The following KATNIP variants were observed in gnomAD, a reference collection of about 807,000 sequenced individuals.
KATNIP encodes the protein katanin-interacting protein.
Under a neutral mutation model 174.0 loss-of-function variants are expected in KATNIP, and 126 were observed. That is an observed-to-expected ratio of 0.72 (90% CI 0.63 to 0.84). The LOEUF is 0.84. KATNIP is among the 40% of genes least tolerant of loss of function. The pLI is 0.00. For synonymous variants in KATNIP, 810 were observed against 835.7 expected, an observed-to-expected ratio of 0.97 and a Z score of 0.53; for missense variants, 1,958 against 2,109.7, an observed-to-expected ratio of 0.93 and a Z score of 1.41.
intron 5 of KATNIP, among the ~76,000 whole-genome samples, chr16:27,640,677 ATTT>A (rs11320678): frequency 1.2e-4 from 15 of 122,052 alleles, no homozygotes; most frequent in East Asian, 9.8e-4. Flanking sequence ...TTGGTTTTTA[ATTT>A]TTTTTTTTTT....
chr16:27,552,731 G>A (rs534504268), intron 1 of KATNIP, among the ~76,000 whole-genome samples: 102 of 131,296 alleles, frequency 7.8e-4, no homozygotes, highest in African/African-American at 2.7e-3. Flanking sequence ...TTTTGCCGTC[G>A]TTGCCCAGGC....
intron 3 of KATNIP, among the ~76,000 whole-genome samples, chr16:27,627,554 G>C (rs1168348629): frequency 6.6e-6 from 1 of 152,200 alleles, no homozygotes; most frequent in African/African-American, 2.4e-5. Context: ...ACCTGACCCT[G>C]TATTTCCTCT....
intron 2 of KATNIP, among the ~76,000 whole-genome samples, chr16:27,615,982 C>T (rs576324936): frequency 6.6e-6 from 1 of 152,260 alleles, no homozygotes; most frequent in East Asian, 1.9e-4. Flanking sequence ...CCCTACTTGC[C>T]ATTTAAAACT....
intron 13 of KATNIP, 124 bp from the exon 14 acceptor site, chr16:27,721,434 G>GCTGT (rs1482332011): frequency 1.7e-6 from 2 of 1,144,810 alleles, no homozygotes; most frequent in East Asian, 4.8e-5. Context: ...GGGTGGCCTG[G>GCTGT]CTGTCTGCCC....
chr16:27,557,142 A>ATT lies in KATNIP; in HGVS notation c.7+6981_7+6982dup, dbSNP rs369925365. ...TTCTTGACATTTTTCTGTGAAGTTG[A>ATT]TTTTTTTTTTTTTTTTTGAGGTGGA... On this transcript the variant is annotated intron_variant, in intron 1 of 27. Transcript: ENST00000261588. Among the ~76,000 whole-genome samples, 749 of 137,934 alleles carry ATT rather than the reference A, an allele frequency of 5.4e-3. 11 individuals carry two copies. The highest frequency in any genetic ancestry group is 0.019 in the African/African-American group (709 of 37,674). 90.5% of individuals were successfully genotyped at this position (137,934 alleles called of 152,430 possible).
intron 2 of KATNIP, among the ~76,000 whole-genome samples, chr16:27,597,537 G>GT (rs1450587693): frequency 6.8e-6 from 1 of 147,422 alleles, no homozygotes; most frequent in Non-Finnish European, 1.5e-5. Flanking sequence ...TGTGCTTGAT[G>GT]TTATCTGCTC....
chr16:27,718,368 C>G (rs1407405637), intron 13 of KATNIP: 1 of 152,222 alleles, frequency 6.6e-6, no homozygotes, highest in Non-Finnish European at 1.5e-5. Flanking sequence ...TGCAGACGCT[C>G]TGCCTCCTGC....
At chr16:27,680,243 G>C (rs1048685222) in intron 7 of KATNIP, among the ~76,000 whole-genome samples, 1 of 152,172 alleles carries the variant, frequency 6.6e-6, no homozygotes, top group African/African-American at 2.4e-5. Flanking sequence ...AAAGGTGTTA[G>C]GCGCACCTGC....
chr16:27,666,563 G>A (rs1211308723), intron 6 of KATNIP, among the ~76,000 whole-genome samples: 3 of 152,036 alleles, frequency 2.0e-5, no homozygotes, highest in Non-Finnish European at 4.4e-5. Flanking sequence ...GATTACAGGT[G>A]TCCACCACCA....
intron 1 of KATNIP, among the ~76,000 whole-genome samples, chr16:27,573,139 C>G (rs1273545101): frequency 1.3e-5 from 2 of 152,202 alleles, no homozygotes; most frequent in Non-Finnish European, 2.9e-5. Flanking sequence ...CTGGTTGTGG[C>G]ATTTTCACAA....
chr16:27,658,779 T>G (rs957841759), intron 6 of KATNIP, among the ~76,000 whole-genome samples: 5 of 152,116 alleles, frequency 3.3e-5, no homozygotes, highest in Non-Finnish European at 1.5e-5. Flanking sequence ...TGTTTGTTTG[T>G]TTTTTCAGAG....
In KATNIP at chr16:27,777,627, G is replaced by C; in HGVS notation, c.4569G>C (p.Leu1523=). The C allele has an allele frequency of 1.2e-6, 2 of 1,612,058 alleles. No individual in the cohort carries two copies. The highest frequency in any genetic ancestry group is 1.1e-5 in the South Asian group (1 of 90,696). Residue 1523 remains leucine (L), a synonymous_variant, in exon 26 of 28, where the codon CTG becomes CTC. Coordinates refer to ENST00000261588, the MANE Select transcript of KATNIP (RefSeq NM_015202.5). The surrounding 1 kb of genome is among the most constrained non-coding windows in gnomAD (Gnocchi z 4.4). ...CCCTGCAGCTCCTGGTGGACGACCT[G>C]CTTGTGTACAATGGGATCCTGGCCA... is the stretch of plus-strand genomic sequence containing the variant. The part of the protein sequence containing the change: ...VKEFGLLVDD[L]LVYNGILAMV...
rs142610572 is a variant in KATNIP at position 27,577,389 on chromosome 16, A to T, written c.63+3433A>T. ...AAGACCCTTTCTCTACAAAAAAATTAAAAAAATTAAACAGGTGTGAGGCCA... is the reference window on the plus strand; with the variant it reads ...AAGACCCTTTCTCTACAAAAAAATTTAAAAAATTAAACAGGTGTGAGGCCA... On this transcript the variant is annotated intron_variant, in intron 2 of 27. Coordinates refer to ENST00000261588, the MANE Select transcript of KATNIP (RefSeq NM_015202.5). 2.6e-3 allele frequency among the ~76,000 whole-genome samples: 390 copies of T among 152,076 alleles called. 1 individual carries two copies. Among genetic ancestry groups the T allele is most frequent in the African/African-American group, 8.7e-3 (363 of 41,500 alleles).
chr16:27,672,404 C>T (rs761348029), intron 6 of KATNIP, among the ~76,000 whole-genome samples: 3 of 152,188 alleles, frequency 2.0e-5, no homozygotes, highest in African/African-American at 4.8e-5. Context: ...TCTTCACAGT[C>T]CTGGCCACCT....
chr16:27,559,938 G>A (rs867416423), intron 1 of KATNIP, among the ~76,000 whole-genome samples: 13 of 152,114 alleles, frequency 8.5e-5, no homozygotes, highest in Admixed American at 6.5e-4. Flanking sequence ...CCTAGATCGC[G>A]CCACTGCACA....
chr16:27,733,621 A>G (rs1281029218), intron 14 of KATNIP, among the ~76,000 whole-genome samples: 1 of 151,658 alleles, frequency 6.6e-6, no homozygotes, highest in Admixed American at 6.6e-5. Flanking sequence ...AGAGAGAGAC[A>G]GGGTTCTAAA....
At chr16:27,691,410 T>C (rs2078728380) in intron 8 of KATNIP, among the ~76,000 whole-genome samples, 3 of 152,192 alleles carry the variant, frequency 2.0e-5, no homozygotes, top group Admixed American at 2.0e-4. Flanking sequence ...AATTTGGCTT[T>C]TGCTGGTGGC....
chr16:27,627,847 C>T (rs2076379389), intron 3 of KATNIP, among the ~76,000 whole-genome samples: 1 of 151,998 alleles, frequency 6.6e-6, no homozygotes, highest in Non-Finnish European at 1.5e-5. Flanking sequence ...AAAATGCAGG[C>T]GAGTCTGGCG....
In KATNIP at chr16:27,564,467, G is replaced by C. The variant is rs1467324115; in HGVS notation, c.8-9434G>C. 7.2e-5 allele frequency among the ~76,000 whole-genome samples: 11 copies of C among 152,062 alleles called. 1 individual carries two copies. Among genetic ancestry groups the C allele is most frequent in the Admixed American group, 7.2e-4 (11 of 15,252 alleles). Reference sequence around the variant, plus strand: ...CTAAGCATTTCTAAACCAAGCAAATGCGCGTTAACGGTGTGCAGGTTATAA... The same window carrying C: ...CTAAGCATTTCTAAACCAAGCAAATCCGCGTTAACGGTGTGCAGGTTATAA... On this transcript the variant is annotated intron_variant, in intron 1 of 27. Coordinates refer to ENST00000261588, the MANE Select transcript of KATNIP (RefSeq NM_015202.5).
Sources: allele counts gnomAD v4.1 joint callset (sites outside exome capture counted in the v4.1 genomes callset), GRCh38; gene constraint gnomAD v4.1.1; non-coding constraint Gnocchi (gnomAD v3.1); transcripts MANE v1.5; gene names NCBI Gene and HGNC (gene_info 2026-07-23, HGNC 2026-07-21).